The following IL2RA variants were observed in gnomAD, a reference collection of about 807,000 sequenced individuals.
IL2RA encodes the protein interleukin-2 receptor subunit alpha.
Under a neutral mutation model 37.8 loss-of-function variants are expected in IL2RA, and 24 were observed. That is an observed-to-expected ratio of 0.63 (90% CI 0.46 to 0.89). IL2RA has a LOEUF of 0.89. Among genes scored for constraint, IL2RA ranks in the 40% least tolerant of loss-of-function variants. IL2RA has a pLI of 0.00. For synonymous variants in IL2RA, 125 were observed against 114.6 expected (o/e 1.09, Z -0.58); for missense variants, 319 against 348.6 (o/e 0.92, Z 0.68).
chr10:6,017,951 A>C, intron 7 of IL2RA, 102 bp downstream of exon 7: 1 of 839,916 alleles, frequency 1.2e-6, no homozygotes, highest in Non-Finnish European at 2.0e-6. Flanking sequence ...CCTGAACTGC[A>C]GGTGATTAGA....
intron 1 of IL2RA, among the ~76,000 whole-genome samples, chr10:6,034,108 AGTGC>A (rs1233494676): frequency 2.6e-5 from 4 of 152,196 alleles, no homozygotes; most frequent in African/African-American, 9.7e-5. Flanking sequence ...ATTCCATGAG[AGTGC>A]GTTTTTCTAG....
rs147516393 is a variant in IL2RA, at chr10:6,036,832, C to T, written c.65-10807G>A. Among the ~76,000 whole-genome samples the T allele has an allele frequency of 3.9e-5, 6 of 152,080 alleles. No homozygotes were observed. The highest frequency in any genetic ancestry group is 2.1e-4 in the South Asian group (1 of 4,824). ...CCACTGCTGAAGAAGAAGGATATCCCGGTTGGCTGCTCTAGAGCCGGCAGG... is the reference window on the plus strand; with the variant it reads ...CCACTGCTGAAGAAGAAGGATATCCTGGTTGGCTGCTCTAGAGCCGGCAGG... On this transcript the variant is annotated intron_variant, in intron 1 of 7. Transcript: ENST00000379959. This position sits in a 1 kb window ranked among gnomAD's most constrained non-coding sequence, Gnocchi z 6.1.
chr10:6,031,516 A>G (rs1489623833), intron 1 of IL2RA, among the ~76,000 whole-genome samples: 4 of 92,658 alleles, frequency 4.3e-5, no homozygotes, highest in East Asian at 5.7e-4. Context: ...ATATATGTAT[A>G]TATATGTATA....
Position 6,046,420 on chromosome 10 carries a change from AC to A in IL2RA, c.64+15667del, listed in dbSNP as rs1177280890. Among the ~76,000 whole-genome samples, 1 of 152,176 alleles carries A rather than the reference AC, an allele frequency of 6.6e-6. No individual in the cohort carries two copies. Among genetic ancestry groups the A allele is most frequent in the Non-Finnish European group, 1.5e-5 (1 of 68,030 alleles). On this transcript the variant is annotated intron_variant, in intron 1 of 7. Coordinates refer to ENST00000379959, the MANE Select transcript of IL2RA (RefSeq NM_000417.3). The surrounding 1 kb of genome is among the most constrained non-coding windows in gnomAD (Gnocchi z 4.8). ...TCAAATCCGTGTGTTCACAGATGCT[AC>A]CCCAGACATCGGGTAAGACAATGAC... is the stretch of plus-strand genomic sequence containing the variant.
At chr10:6,026,843 T>C (rs922206331) in intron 1 of IL2RA, among the ~76,000 whole-genome samples, 4 of 152,176 alleles carry the variant, frequency 2.6e-5, no homozygotes, top group Non-Finnish European at 4.4e-5. Context: ...TCTCCGTCAA[T>C]GGAAGCCCAC....
chr10:6,022,071 C>T lies in IL2RA; in HGVS notation c.368-378G>A, dbSNP rs7917588. Reference sequence around the variant, plus strand: ...GGTGTTGACAGTGGACAGGAGTGGGCGGGGCAGTCTCAGCTGAGACACAAG... The same window carrying T: ...GGTGTTGACAGTGGACAGGAGTGGGTGGGGCAGTCTCAGCTGAGACACAAG... On this transcript the variant is annotated intron_variant, in intron 3 of 7. Coordinates refer to ENST00000379959, the MANE Select transcript of IL2RA (RefSeq NM_000417.3). The surrounding 1 kb of genome is among the most constrained non-coding windows in gnomAD (Gnocchi z 4.7). Among the ~76,000 whole-genome samples, 716 of 151,916 alleles carry T rather than the reference C, an allele frequency of 4.7e-3. 8 individuals carry two copies. The highest frequency in any genetic ancestry group is 0.016 in the African/African-American group (668 of 41,428).
At position 6,056,804 on chromosome 10, in the gene IL2RA, G is replaced by A. The variant is rs1336583107; in HGVS notation, c.64+5284C>T. Among the ~76,000 whole-genome samples the A allele has an allele frequency of 6.6e-6, 1 of 152,112 alleles. No individual in the cohort carries two copies. The highest frequency in any genetic ancestry group is 1.5e-5 in the Non-Finnish European group (1 of 68,014). ...CTCTCAGGGAATGGCCTGGGATAGA[G>A]AAGAGAAACAGGTTCCCACTCATGT... On this transcript the variant is annotated intron_variant, in intron 1 of 7. Transcript: ENST00000379959. The surrounding 1 kb of genome is among the most constrained non-coding windows in gnomAD (Gnocchi z 5.0).
intron 1 of IL2RA, among the ~76,000 whole-genome samples, chr10:6,050,924 T>C (rs1839943620): frequency 6.6e-6 from 1 of 152,050 alleles, no homozygotes; most frequent in Non-Finnish European, 1.5e-5. Context: ...TGAAAGGTAG[T>C]GAAAGCCCGA....
chr10:6,041,956 A>G (rs1034054452), intron 1 of IL2RA, among the ~76,000 whole-genome samples: 1 of 152,022 alleles, frequency 6.6e-6, no homozygotes, highest in Non-Finnish European at 1.5e-5. Flanking sequence ...AGCTACAATA[A>G]CATAAGAGAA....
rs1840080456 is a variant in IL2RA, at chr10:6,058,461, C to T, written c.64+3627G>A. Among the ~76,000 whole-genome samples the T allele has an allele frequency of 6.6e-6, 1 of 152,088 alleles. No homozygotes were observed. The highest frequency in any genetic ancestry group is 6.5e-5 in the Admixed American group (1 of 15,274). On this transcript the variant is annotated intron_variant, in intron 1 of 7. Coordinates refer to ENST00000379959, the MANE Select transcript of IL2RA (RefSeq NM_000417.3). The surrounding 1 kb of genome is among the most constrained non-coding windows in gnomAD (Gnocchi z 4.2). ...AAGAGCTCCCAATGTTTAGGAAAGC[C>T]CTTACAGCCTCAAGACATGTCTTGA... is the stretch of plus-strand genomic sequence containing the variant.
chr10:6,023,647 C>T (rs776290321), intron 3 of IL2RA, among the ~76,000 whole-genome samples: 2 of 152,194 alleles, frequency 1.3e-5, no homozygotes, highest in African/African-American at 4.8e-5. Context: ...ATTTTCTTGA[C>T]ACCATAACTG....
At position 6,036,069 on chromosome 10, in the gene IL2RA, G is replaced by A. The variant is rs6602391; in HGVS notation, c.65-10044C>T. On this transcript the variant is annotated intron_variant, in intron 1 of 7. Transcript: ENST00000379959. This position sits in a 1 kb window ranked among gnomAD's most constrained non-coding sequence, Gnocchi z 6.1. The stretch of plus-strand genomic sequence containing the variant: ...GGAATGCATCATGGAACAGGTCTGG[G>A]AGAACAGAGGGTGCAGGTGAAGGGC... 13,905 of 152,324 alleles carry A rather than the reference G, an allele frequency of 0.091. 948 individuals carry two copies. The highest frequency in any genetic ancestry group is 0.23 in the Middle Eastern group (67 of 294). 9.4% of individuals were successfully genotyped at this position (152,324 alleles called of 1,614,324 possible). A position where few individuals can be genotyped will look rare whatever the true frequency, so the allele number is the denominator to read the frequency against.
chr10:6,029,605 C>T lies in IL2RA; in HGVS notation c.65-3580G>A, dbSNP rs545171427. On this transcript the variant is annotated intron_variant, in intron 1 of 7. Transcript: ENST00000379959. This position sits in a 1 kb window ranked among gnomAD's most constrained non-coding sequence, Gnocchi z 4.6. ...ATCGCCAGGTAGCCTAAAATATTTA[C>T]TCTCTGGCCCTTTCAGAAAAAAAAT... Among the ~76,000 whole-genome samples the T allele has an allele frequency of 7.9e-5, 12 of 152,216 alleles. No homozygotes were observed. In the South Asian group the frequency reaches 1.5e-3, roughly 18 times the overall value.
At chr10:6,051,817 C>CTATATATT (rs1403643320) in intron 1 of IL2RA, among the ~76,000 whole-genome samples, 1 of 33,664 alleles carries the variant, frequency 3.0e-5, no homozygotes, top group African/African-American at 9.2e-5. Flanking sequence ...TCATGCCCAG[C>CTATATATT]TATATATATA....
At chr10:6,050,383 T>G (rs12253981) in intron 1 of IL2RA, among the ~76,000 whole-genome samples, 43,570 of 152,114 alleles carry the variant, frequency 0.29, 7,376 homozygotes, top group Middle Eastern at 0.49. Context: ...AAGCCTGTAA[T>G]CCCAGCACTT....
intron 1 of IL2RA, among the ~76,000 whole-genome samples, chr10:6,037,820 A>G (rs1014265039): frequency 6.6e-6 from 1 of 152,176 alleles, no homozygotes; most frequent in Non-Finnish European, 1.5e-5. Flanking sequence ...TGACTCCCAG[A>G]GGAAATCTCT....
intron 1 of IL2RA, among the ~76,000 whole-genome samples, chr10:6,032,716 G>T (rs1250151348): frequency 6.7e-6 from 1 of 149,446 alleles, no homozygotes; most frequent in Non-Finnish European, 1.5e-5. Flanking sequence ...AGAAAAAAAT[G>T]AAAAAGTAAA....
rs1175351778 is a variant in IL2RA at position 6,036,698 on chromosome 10, G to A, written c.65-10673C>T. Among the ~76,000 whole-genome samples, 5 of 152,198 alleles carry A rather than the reference G, an allele frequency of 3.3e-5. No individual in the cohort carries two copies. Among genetic ancestry groups the A allele is most frequent in the African/African-American group, 1.2e-4 (5 of 41,434 alleles). On this transcript the variant is annotated intron_variant, in intron 1 of 7. Transcript: ENST00000379959. The surrounding 1 kb of genome is among the most constrained non-coding windows in gnomAD (Gnocchi z 6.1). ...TTACCACTTCATTATTAGAATTGGA[G>A]TAGAATGAAAATTAATTTTTCCCTG...
At chr10:6,037,255 T>C (rs1839702401) in intron 1 of IL2RA, among the ~76,000 whole-genome samples, 1 of 152,058 alleles carries the variant, frequency 6.6e-6, no homozygotes, top group Non-Finnish European at 1.5e-5. Flanking sequence ...TTTGTCGTTA[T>C]TTTTTTTCTC....
Sources: allele counts gnomAD v4.1 joint callset (sites outside exome capture counted in the v4.1 genomes callset), GRCh38; gene constraint gnomAD v4.1.1; non-coding constraint Gnocchi (gnomAD v3.1); transcripts MANE v1.5; gene names NCBI Gene and HGNC (gene_info 2026-07-23, HGNC 2026-07-21).